Variants in PTAFR observed in about 807,000 individuals in gnomAD.
PTAFR encodes the protein platelet activating factor receptor, also known as platelet-activating factor receptor.
Under a neutral mutation model 14.7 loss-of-function variants are expected in PTAFR, and 8 were observed. That is an observed-to-expected ratio of 0.54 (90% CI 0.32 to 0.98). PTAFR has a LOEUF of 0.98. Ranked by LOEUF, PTAFR falls within the 50% of genes least tolerant of loss-of-function variation. The pLI is 0.04. For missense variants in PTAFR, 337 were observed against 451.2 expected (o/e 0.75, Z 2.29); for synonymous variants, 156 against 176.5 (o/e 0.88, Z 0.92).
rs1294975956 is a variant in PTAFR, at chr1:28,148,149, C to T, written c.*1844G>A. On this transcript the variant is annotated 3_prime_UTR_variant, in exon 2 of 2. Transcript: ENST00000373857. ...GAAACCAGAGAAGTTTCCTCTGAGC[C>T]CCTTGGGTCTGAGGCTGCCAGGTTC... 1 of 152,108 alleles carries T rather than the reference C, an allele frequency of 6.6e-6. No individual in the cohort carries two copies. Among genetic ancestry groups the T allele is most frequent in the Non-Finnish European group, 1.5e-5 (1 of 68,020 alleles). The allele number at this position is 152,108 out of a possible 1,614,324, so 9.4% of individuals were successfully genotyped here. A position where few individuals can be genotyped will look rare whatever the true frequency, so the allele number is the denominator to read the frequency against.
chr1:28,164,680 G>C (rs868205257), intron 1 of PTAFR, among the ~76,000 whole-genome samples: 32 of 152,182 alleles, frequency 2.1e-4, no homozygotes, highest in African/African-American at 6.5e-4. Context: ...GCAGACTTGG[G>C]ATTTTGAACT....
At chr1:28,153,375 C>A (rs1045865962) in intron 1 of PTAFR, among the ~76,000 whole-genome samples, 2 of 152,032 alleles carry the variant, frequency 1.3e-5, no homozygotes, top group Non-Finnish European at 2.9e-5. Context: ...AAGCAGCAGG[C>A]AGGGAGGAGG....
At chr1:28,165,447 A>G (rs1646374924) in intron 1 of PTAFR, among the ~76,000 whole-genome samples, 1 of 150,500 alleles carries the variant, frequency 6.6e-6, no homozygotes, top group Admixed American at 6.6e-5. Flanking sequence ...AAAGAAACAA[A>G]CTTAACCAAG....
chr1:28,186,166 G>A, intron 1 of PTAFR, among the ~76,000 whole-genome samples: 1 of 151,990 alleles, frequency 6.6e-6, no homozygotes, highest in East Asian at 1.9e-4. Flanking sequence ...GTTTTGTTTA[G>A]TAGAGACAGG....
chr1:28,180,042 C>G (rs1272177518), upstream of PTAFR, among the ~76,000 whole-genome samples: 1 of 152,150 alleles, frequency 6.6e-6, no homozygotes, highest in African/African-American at 2.4e-5. Flanking sequence ...GGCTCAGTGG[C>G]TCATGCCTGT....
chr1:28,174,766 CCTCATCCCTA>C (rs1378021757), intron 1 of PTAFR, among the ~76,000 whole-genome samples: 2 of 152,216 alleles, frequency 1.3e-5, no homozygotes, highest in Non-Finnish European at 2.9e-5. Context: ...AAAACAGTTT[CCTCATCCCTA>C]AGGCGTTTAA....
chr1:28,184,492 A>G (rs951117483), intron 1 of PTAFR, among the ~76,000 whole-genome samples: 1 of 152,130 alleles, frequency 6.6e-6, no homozygotes, highest in Non-Finnish European at 1.5e-5. Context: ...CATCTCACGT[A>G]CAGGAGAAGT....
chr1:28,189,486 G>A (rs919430379), intron 1 of PTAFR, among the ~76,000 whole-genome samples: 4 of 151,540 alleles, frequency 2.6e-5, no homozygotes, highest in South Asian at 2.1e-4. Context: ...GGTGGCGCGC[G>A]CCTGTAGTCC....
chr1:28,161,045 T>C (rs543734964), intron 1 of PTAFR, among the ~76,000 whole-genome samples: 2 of 152,344 alleles, frequency 1.3e-5, no homozygotes, highest in Admixed American at 1.3e-4. Flanking sequence ...CTGTTTCCTC[T>C]GCCAAGAAAT....
intron 1 of PTAFR, among the ~76,000 whole-genome samples, chr1:28,169,494 G>C (rs1347827524): frequency 6.6e-6 from 1 of 152,158 alleles, no homozygotes; most frequent in East Asian, 1.9e-4. Flanking sequence ...AGTATTTAGA[G>C]AACAGTGGTT....
intron 1 of PTAFR, among the ~76,000 whole-genome samples, chr1:28,155,879 C>A (rs991364975): frequency 3.3e-5 from 5 of 151,502 alleles, no homozygotes; most frequent in African/African-American, 1.2e-4. Context: ...AAAAGTAAAA[C>A]AACGAAAAAG....
At chr1:28,192,030 G>A (rs929677261) in intron 1 of PTAFR, among the ~76,000 whole-genome samples, 3 of 151,512 alleles carry the variant, frequency 2.0e-5, no homozygotes, top group Non-Finnish European at 4.4e-5. Flanking sequence ...AGATCGTGCC[G>A]CCACTGCCCT....
At chr1:28,160,591 T>C (rs1646312517) in intron 1 of PTAFR, among the ~76,000 whole-genome samples, 1 of 102,002 alleles carries the variant, frequency 9.8e-6, no homozygotes, top group Non-Finnish European at 1.8e-5. Context: ...GAATAAAATA[T>C]TCCAGGAAAA....
chr1:28,160,539 T>A (rs932627092), intron 1 of PTAFR, among the ~76,000 whole-genome samples: 1 of 150,698 alleles, frequency 6.6e-6, no homozygotes, highest in African/African-American at 2.4e-5. Context: ...TCTACACCCA[T>A]CCCCACCTTG....
chr1:28,155,602 C>A (rs1295903894), intron 1 of PTAFR, among the ~76,000 whole-genome samples: 1 of 152,142 alleles, frequency 6.6e-6, no homozygotes, highest in Non-Finnish European at 1.5e-5. Context: ...ACTTGGCTCA[C>A]GGCTGTAATC....
intron 1 of PTAFR, among the ~76,000 whole-genome samples, chr1:28,168,971 T>C (rs1446223254): frequency 6.6e-6 from 1 of 151,784 alleles, no homozygotes; most frequent in Admixed American, 6.6e-5. Context: ...CCCAGCCAAG[T>C]TGAAAACATT....
chr1:28,153,253 C>T (rs976589010), intron 1 of PTAFR, among the ~76,000 whole-genome samples: 3 of 152,124 alleles, frequency 2.0e-5, no homozygotes, highest in African/African-American at 7.2e-5. Flanking sequence ...GACACCATTT[C>T]GAACAAAACA....
intron 1 of PTAFR, among the ~76,000 whole-genome samples, chr1:28,175,063 G>A (rs543604584): frequency 1.3e-5 from 2 of 151,916 alleles, no homozygotes; most frequent in East Asian, 3.9e-4. Context: ...AGTAGCACCC[G>A]CCACCACGCC....
In PTAFR at chr1:28,172,025, T is replaced by TG. The variant is rs1163411678; in HGVS notation, c.-39+4566dup. ...GGTTTTTGTGTGTGTGTTGCGGGGG[T>TG]GGGGGGTTGAGACTGAATCTCAGTC... On this transcript the variant is annotated intron_variant, in intron 1 of 1. Transcript: ENST00000373857. Among the ~76,000 whole-genome samples, 36 of 151,018 alleles carry TG rather than the reference T, an allele frequency of 2.4e-4. 1 individual carries two copies. In the East Asian group the frequency reaches 5.9e-3, roughly 25 times the overall value.
Sources: gnomAD v4.1 joint callset for allele counts (sites outside exome capture counted in the v4.1 genomes callset) on GRCh38, gnomAD v4.1.1 for gene constraint, MANE v1.5 for transcripts, NCBI Gene and HGNC (gene_info 2026-07-23, HGNC 2026-07-21) for gene names.